Variants in EXOC6B observed in about 807,000 individuals in gnomAD.
The protein encoded by EXOC6B is SEC15 homolog B.
Under a neutral mutation model 113.5 loss-of-function variants are expected in EXOC6B, and 54 were observed. The ratio of observed to expected loss-of-function variants is 0.48; its 90% confidence interval spans 0.38 to 0.60. The LOEUF is 0.60. EXOC6B is among the 20% of genes least tolerant of loss of function. The pLI is 0.00. For missense variants in EXOC6B, 797 were observed against 977.5 expected, an observed-to-expected ratio of 0.82 and a Z score of 2.46; for synonymous variants, 357 against 339.0, an observed-to-expected ratio of 1.05 and a Z score of -0.58.
chr2:72,670,641 T>C (rs943915301), intron 6 of EXOC6B, among the ~76,000 whole-genome samples: 6 of 152,228 alleles, frequency 3.9e-5, no homozygotes, highest in Admixed American at 2.0e-4. Flanking sequence ...GATATGATGA[T>C]ATTATTTGCC....
chr2:72,613,616 T>TTAA (rs1671209929), intron 6 of EXOC6B, among the ~76,000 whole-genome samples: 1 of 152,112 alleles, frequency 6.6e-6, no homozygotes, highest in African/African-American at 2.4e-5. Flanking sequence ...CAAATATTAC[T>TTAA]TAATATCAAA....
chr2:72,327,871 A>C (rs1192870319), intron 20 of EXOC6B, among the ~76,000 whole-genome samples: 2 of 152,106 alleles, frequency 1.3e-5, no homozygotes, highest in Non-Finnish European at 2.9e-5. Flanking sequence ...TGATGGCTCT[A>C]GTTACTAATG....
At chr2:72,428,656 C>A (rs1695347246) in intron 18 of EXOC6B, among the ~76,000 whole-genome samples, 2 of 152,160 alleles carry the variant, frequency 1.3e-5, no homozygotes, top group African/African-American at 4.8e-5. Context: ...TGGAAAAAGC[C>A]AAGCGGGCAC....
chr2:72,380,334 C>A (rs1020875831), intron 18 of EXOC6B, among the ~76,000 whole-genome samples: 1 of 152,092 alleles, frequency 6.6e-6, no homozygotes, highest in Non-Finnish European at 1.5e-5. Flanking sequence ...TATGATTTAA[C>A]ACATATAAAG....
rs150432392 is a variant in EXOC6B, at chr2:72,791,294, A to T, written c.113+34504T>A. Among the ~76,000 whole-genome samples, 354 of 152,300 alleles carry T rather than the reference A, an allele frequency of 2.3e-3. 2 individuals carry two copies. The highest frequency in any genetic ancestry group is 7.3e-3 in the African/African-American group (305 of 41,564). On this transcript the variant is annotated intron_variant, in intron 1 of 21. Transcript: ENST00000272427. ...GGCTCTGGCTCGTGCCTGTAATCCC[A>T]GCACTTTGGGAGGCTGAGGCAGGAG...
intron 19 of EXOC6B, among the ~76,000 whole-genome samples, chr2:72,371,668 T>C (rs1691027679): frequency 6.6e-6 from 1 of 152,098 alleles, no homozygotes; most frequent in Non-Finnish European, 1.5e-5. Context: ...AAAATCTGGG[T>C]ATTAACATTA....
chr2:72,707,356 A>G (rs1165760628), intron 6 of EXOC6B, among the ~76,000 whole-genome samples: 1 of 151,350 alleles, frequency 6.6e-6, no homozygotes, highest in Non-Finnish European at 1.5e-5. Flanking sequence ...TATTTCTTCC[A>G]TGGCACTTAT....
chr2:72,630,245 T>G (rs1431767873), intron 6 of EXOC6B, among the ~76,000 whole-genome samples: 2 of 152,158 alleles, frequency 1.3e-5, no homozygotes, highest in Non-Finnish European at 2.9e-5. Context: ...CATCATCCTC[T>G]AGCCAGTCAT....
At chr2:72,545,306 A>G (rs71416752) in intron 8 of EXOC6B, among the ~76,000 whole-genome samples, 11 of 152,130 alleles carry the variant, frequency 7.2e-5, no homozygotes, top group Non-Finnish European at 1.0e-4. Flanking sequence ...AATTTTCTTC[A>G]TATCAAGATA....
chr2:72,609,288 G>A (rs996180965), intron 6 of EXOC6B, among the ~76,000 whole-genome samples: 6 of 151,888 alleles, frequency 4.0e-5, no homozygotes, highest in African/African-American at 1.4e-4. Flanking sequence ...CAAATTAGCT[G>A]ACAAAAACTT....
intron 6 of EXOC6B, among the ~76,000 whole-genome samples, chr2:72,649,008 T>C (rs562034981): frequency 6.6e-6 from 1 of 152,102 alleles, no homozygotes; most frequent in Non-Finnish European, 1.5e-5. Flanking sequence ...AGCATGGTAG[T>C]GCACACCTGT....
At chr2:72,761,151 A>G (rs1682718753) in intron 1 of EXOC6B, among the ~76,000 whole-genome samples, 1 of 152,090 alleles carries the variant, frequency 6.6e-6, no homozygotes, top group Non-Finnish European at 1.5e-5. Flanking sequence ...CTGCACTGCA[A>G]CCTGGCTGAA....
intron 19 of EXOC6B, among the ~76,000 whole-genome samples, chr2:72,338,968 T>TACAC (rs1558571350): frequency 9.9e-5 from 8 of 80,706 alleles, no homozygotes; most frequent in African/African-American, 2.0e-4. Context: ...TACACATACA[T>TACAC]ACACATACAC....
intron 1 of EXOC6B, among the ~76,000 whole-genome samples, chr2:72,754,930 C>T (rs1026049520): frequency 4.0e-5 from 6 of 151,858 alleles, no homozygotes; most frequent in Non-Finnish European, 5.9e-5. Flanking sequence ...TAGTCTAGTT[C>T]GATAAGGAAT....
chr2:72,491,144 C>A lies in EXOC6B; in HGVS notation c.1665+1174G>T, dbSNP rs570128197. Among the ~76,000 whole-genome samples the A allele has an allele frequency of 1.2e-4, 19 of 152,248 alleles. 1 individual carries two copies. The highest frequency in any genetic ancestry group is 4.3e-4 in the African/African-American group (18 of 41,560). ...TAGCTATTTTTCAGATACATAAAGG[C>A]AAATGCCTAATATTTCTGTACTAGG... On this transcript the variant is annotated intron_variant, in intron 16 of 21. Transcript: ENST00000272427.
At chr2:72,459,640 A>G (rs1480088671) in intron 18 of EXOC6B, among the ~76,000 whole-genome samples, 2 of 152,150 alleles carry the variant, frequency 1.3e-5, no homozygotes, top group Non-Finnish European at 2.9e-5. Context: ...TAGGAATCCA[A>G]CTTACAAGGG....
intron 19 of EXOC6B, among the ~76,000 whole-genome samples, chr2:72,351,218 T>C (rs1689638205): frequency 6.6e-6 from 1 of 152,144 alleles, no homozygotes. Context: ...AAAATTTTAT[T>C]AGGAAAATTT....
At chr2:72,294,874 T>G (rs1476105351) in intron 20 of EXOC6B, among the ~76,000 whole-genome samples, 1 of 152,198 alleles carries the variant, frequency 6.6e-6, no homozygotes, top group Admixed American at 6.5e-5. Context: ...TCCTTATTTT[T>G]AAGTATTTAA....
rs563510352 is a variant in EXOC6B, at chr2:72,566,150, C to A, written c.847-6629G>T. Among the ~76,000 whole-genome samples, 46 of 152,236 alleles carry A rather than the reference C, an allele frequency of 3.0e-4. 1 individual carries two copies. Among genetic ancestry groups the A allele is most frequent in the Admixed American group, 1.4e-3 (21 of 15,296 alleles). Reference sequence around the variant, plus strand: ...AAGATAAGAAGAAACAGTTCCAGCACTTCCCAAAATTCCCTATGCCCCTTT... The same window carrying A: ...AAGATAAGAAGAAACAGTTCCAGCAATTCCCAAAATTCCCTATGCCCCTTT... On this transcript the variant is annotated intron_variant, in intron 7 of 21. Transcript: ENST00000272427.
Sources: allele counts gnomAD v4.1 joint callset (sites outside exome capture counted in the v4.1 genomes callset), GRCh38; gene constraint gnomAD v4.1.1; transcripts MANE v1.5; gene names NCBI Gene and HGNC (gene_info 2026-07-23, HGNC 2026-07-21).